The following NEK11 variants were observed in gnomAD, a reference collection of about 807,000 sequenced individuals.
The protein encoded by NEK11 is NIMA related kinase 11.
In NEK11, 72 loss-of-function variants were observed where a neutral mutation model predicts 80.7. The observed-to-expected ratio is 0.89, with a 90% confidence interval of 0.74 to 1.08. The LOEUF (loss-of-function observed/expected upper bound fraction) is 1.08. NEK11 is among the 50% of genes least tolerant of loss of function. The probability of loss-of-function intolerance (pLI) is 0.00; values close to 1 mark genes in which losing one functional copy is unlikely to be tolerated. For missense variants in NEK11, 764 were observed against 763.6 expected (o/e 1.00, Z -0.01); for synonymous variants, 251 against 260.7 (o/e 0.96, Z 0.36).
intron 17 of NEK11, among the ~76,000 whole-genome samples, chr3:131,306,300 TACACTGAGTAAAA>T (rs1276996585): frequency 6.6e-6 from 1 of 152,200 alleles, no homozygotes; most frequent in African/African-American, 2.4e-5. Flanking sequence ...CCAAACATGT[TACACTGAGTAAAA>T]ACTCTGCTGT....
intron 4 of NEK11, among the ~76,000 whole-genome samples, chr3:131,104,453 C>G (rs1253051077): frequency 6.6e-6 from 1 of 152,156 alleles, no homozygotes; most frequent in African/African-American, 2.4e-5. Context: ...TCTTTACTCT[C>G]TCCCCAGCCT....
intron 12 of NEK11, among the ~76,000 whole-genome samples, chr3:131,167,967 T>C (rs1432116968): frequency 1.3e-5 from 2 of 152,232 alleles, no homozygotes; most frequent in East Asian, 3.8e-4. Context: ...TGTTTATATA[T>C]TGATGGGGGC....
chr3:131,293,098 A>G (rs771979415), intron 17 of NEK11, among the ~76,000 whole-genome samples: 11 of 151,998 alleles, frequency 7.2e-5, no homozygotes, highest in Non-Finnish European at 1.2e-4. Context: ...ATCTTGTTGC[A>G]TTAGCTAGAA....
chr3:131,124,985 T>C (rs1443225186), intron 5 of NEK11, among the ~76,000 whole-genome samples: 1 of 152,158 alleles, frequency 6.6e-6, no homozygotes, highest in East Asian at 1.9e-4. Flanking sequence ...CTTAGGATTA[T>C]AGCATCTGGG....
At chr3:131,265,617 C>A (rs1411545296) in intron 16 of NEK11, among the ~76,000 whole-genome samples, 1 of 152,060 alleles carries the variant, frequency 6.6e-6, no homozygotes, top group African/African-American at 2.4e-5. Flanking sequence ...TTCAGTTTGC[C>A]AGTATTTTAT....
intron 17 of NEK11, among the ~76,000 whole-genome samples, chr3:131,310,415 G>A (rs1440116273): frequency 6.6e-6 from 1 of 152,150 alleles, no homozygotes; most frequent in African/African-American, 2.4e-5. Context: ...AATACGAGGT[G>A]ATTACAGGAG....
rs1382663781 is a variant in NEK11, at chr3:131,087,093, AT to A, written c.336+6507del. ...ATTTTCAATAATGAAAGTTATTATA[AT>A]TGTTCGTTATTTCACTGTTACTCAC... On this transcript the variant is annotated intron_variant, in intron 4 of 17. Coordinates refer to ENST00000383366, the MANE Select transcript of NEK11 (RefSeq NM_024800.5). 5.3e-5 allele frequency among the ~76,000 whole-genome samples: 8 copies of A among 152,100 alleles called. No individual in the cohort carries two copies. In the East Asian group the frequency reaches 1.5e-3, roughly 29 times the overall value.
chr3:131,122,820 A>G lies in NEK11; in HGVS notation c.456-9925A>G, dbSNP rs147055493. ...TTCTTCATCCTAGCATGGGCCCTGG[A>G]TGCTGGGGAAGAATGACCTGATGGG... is the stretch of plus-strand genomic sequence containing the variant. On this transcript the variant is annotated intron_variant, in intron 5 of 17. Coordinates refer to ENST00000383366, the MANE Select transcript of NEK11 (RefSeq NM_024800.5). Among the ~76,000 whole-genome samples, 1,400 of 152,276 alleles carry G rather than the reference A, an allele frequency of 9.2e-3. 14 individuals are homozygous for G. Among genetic ancestry groups the G allele is most frequent in the African/African-American group, 0.026 (1,094 of 41,548 alleles).
rs763501180 is a variant in NEK11, at chr3:131,349,602, T to C, written c.1764T>C (p.Tyr588=). 2.5e-6 allele frequency: 4 copies of C among 1,614,162 alleles called. No homozygotes were observed. The highest frequency in any genetic ancestry group is 2.5e-6 in the Non-Finnish European group (3 of 1,180,026). ...GGACAGAAGTATTTGAAGAGGTCTATAATTACCTCAAGAGAGCAAGGCATC... is the reference window on the plus strand; with the variant it reads ...GGACAGAAGTATTTGAAGAGGTCTACAATTACCTCAAGAGAGCAAGGCATC... ...KLGTEVFEEV[Y]NYLKRARHQN... Residue 588 remains tyrosine (Y), a synonymous_variant, in exon 18 of 18, where the codon TAT becomes TAC. Transcript: ENST00000383366.
At chr3:131,151,141 G>T (rs1427771881) in intron 7 of NEK11, among the ~76,000 whole-genome samples, 1 of 151,890 alleles carries the variant, frequency 6.6e-6, no homozygotes, top group Admixed American at 6.6e-5. Flanking sequence ...CTAGGATTTG[G>T]AAAGATAAAT....
rs1423518862 is a variant in NEK11, at chr3:131,170,900, A to G, written c.1399+13A>G. The G allele has an allele frequency of 1.3e-6, 2 of 1,584,582 alleles. No homozygotes were observed. The highest frequency in any genetic ancestry group is 1.3e-5 in the African/African-American group (1 of 74,324). On this transcript the variant is annotated intron_variant, in intron 14 of 17. Coordinates refer to ENST00000383366, the MANE Select transcript of NEK11 (RefSeq NM_024800.5). ...CTTGGATACCATGGTATGTGTTTGCATTGATTTTCAGAAGGATGCTCACAG... is the reference window on the plus strand; with the variant it reads ...CTTGGATACCATGGTATGTGTTTGCGTTGATTTTCAGAAGGATGCTCACAG...
rs779244638 is a variant in NEK11 at position 131,152,498 on chromosome 3, C to T, written c.758C>T (p.Pro253Leu). 2 of 1,613,198 alleles carry T rather than the reference C, an allele frequency of 1.2e-6. No homozygotes were observed. The highest frequency in any genetic ancestry group is 2.2e-5 in the South Asian group (2 of 91,012). The change falls in exon 8 of 18, where the codon CCT becomes CTT. Residue 253 changes from proline (P) to leucine (L), a missense_variant. Physicochemically the swap from Pro to Leu is moderately conservative, Grantham distance 98. Transcript: ENST00000383366. ...KIVEGDTPSL[P>L]ERYPKELNAI... ...GTTGAAGGTGACACACCTTCTCTCC[C>T]TGAGAGATATCCAAAAGAACTAAAT... is the stretch of plus-strand genomic sequence containing the variant.
chr3:131,202,230 T>C (rs1337748432), intron 14 of NEK11, among the ~76,000 whole-genome samples: 3 of 152,036 alleles, frequency 2.0e-5, no homozygotes, highest in African/African-American at 7.2e-5. Flanking sequence ...CTGGTTCATC[T>C]CATTGGGACG....
chr3:131,336,840 T>C (rs2097193793), intron 17 of NEK11, among the ~76,000 whole-genome samples: 1 of 152,238 alleles, frequency 6.6e-6, no homozygotes, highest in South Asian at 2.1e-4. Flanking sequence ...AAGACATTTA[T>C]GCAGCCAAAA....
chr3:131,163,117 AC>A (rs1358973774), intron 11 of NEK11, among the ~76,000 whole-genome samples: 1 of 152,154 alleles, frequency 6.6e-6, no homozygotes, highest in Non-Finnish European at 1.5e-5. Flanking sequence ...AGAAAAGGGA[AC>A]CCTTGTGCAG....
At chr3:131,147,068 A>G (rs2088505455) in intron 7 of NEK11, among the ~76,000 whole-genome samples, 4 of 152,098 alleles carry the variant, frequency 2.6e-5, no homozygotes, top group Admixed American at 1.3e-4. Context: ...TAACTTTATC[A>G]TTAGTGCCTT....
At chr3:131,279,830 A>C (rs2096366898) in intron 17 of NEK11, among the ~76,000 whole-genome samples, 2 of 152,194 alleles carry the variant, frequency 1.3e-5, no homozygotes, top group African/African-American at 4.8e-5. Flanking sequence ...AAGGAGACTC[A>C]GGTCTGGCAT....
intron 3 of NEK11, among the ~76,000 whole-genome samples, chr3:131,077,092 G>A (rs982772272): frequency 2.0e-5 from 3 of 152,178 alleles, no homozygotes; most frequent in Non-Finnish European, 4.4e-5. Context: ...CTCAAAGTTT[G>A]TCAGTTCACT....
intron 5 of NEK11, among the ~76,000 whole-genome samples, chr3:131,110,647 G>T (rs2079962505): frequency 3.9e-5 from 6 of 152,138 alleles, no homozygotes; most frequent in Admixed American, 3.9e-4. Flanking sequence ...TGGATATTCT[G>T]AGGTGTCTGT....
Sources: allele counts gnomAD v4.1 joint callset (sites outside exome capture counted in the v4.1 genomes callset), GRCh38; gene constraint gnomAD v4.1.1; transcripts MANE v1.5; gene names NCBI Gene and HGNC (gene_info 2026-07-23, HGNC 2026-07-21).